Variants in RPA1 observed in about 807,000 individuals in gnomAD.
The protein encoded by RPA1 is replication protein A1.
In RPA1, 49 loss-of-function variants were observed where a neutral mutation model predicts 83.0. That is an observed-to-expected ratio of 0.59 (90% CI 0.47 to 0.75). The LOEUF is 0.75. RPA1 is among the 30% of genes least tolerant of loss of function. RPA1 has a pLI of 0.00. For missense variants in RPA1, 693 were observed against 776.1 expected, an observed-to-expected ratio of 0.89 and a Z score of 1.27; for synonymous variants, 279 against 281.8, an observed-to-expected ratio of 0.99 and a Z score of 0.10.
rs555485478 is a variant in RPA1, at chr17:1,872,504, G to A, written c.432G>A (p.Pro144=). The stretch of plus-strand genomic sequence containing the variant: ...CAGCAGCAAGCAGCAGGCCCCAGCC[G>A]CAGAATGGAAGCTCGGGAATGGGTG... ...ASPAASSRPQ[P]QNGSSGMGST... Residue 144 remains proline (P), a synonymous_variant, in exon 6 of 17, where the codon CCG becomes CCA. Transcript: ENST00000254719. The A allele has an allele frequency of 2.5e-6, 4 of 1,613,944 alleles. No homozygotes were observed. The highest frequency in any genetic ancestry group is 2.2e-5 in the South Asian group (2 of 91,036).
At chr17:1,855,604 G>A (rs768553114) in intron 5 of RPA1, among the ~76,000 whole-genome samples, 7 of 152,078 alleles carry the variant, frequency 4.6e-5, no homozygotes, top group South Asian at 2.1e-4. Context: ...GATTTACTTT[G>A]TTTAGAATTG....
chr17:1,868,338 C>T (rs116709465), intron 5 of RPA1, among the ~76,000 whole-genome samples: 98 of 152,296 alleles, frequency 6.4e-4, no homozygotes, highest in African/African-American at 2.2e-3. Flanking sequence ...TGGGAAAGGA[C>T]GCACACTCTG....
chr17:1,856,462 G>C (rs1912701063), intron 5 of RPA1, among the ~76,000 whole-genome samples: 1 of 152,026 alleles, frequency 6.6e-6, no homozygotes, highest in Admixed American at 6.6e-5. Context: ...ATCTAGGCGT[G>C]GTGGCACGCA....
chr17:1,856,306 A>C (rs1275489271), intron 5 of RPA1, among the ~76,000 whole-genome samples: 1 of 148,462 alleles, frequency 6.7e-6, no homozygotes, highest in Non-Finnish European at 1.5e-5. Flanking sequence ...CCATAAAAAA[A>C]AAAAAAAATG....
chr17:1,897,299 A>T lies in RPA1; in HGVS notation c.*124A>T. The T allele has an allele frequency of 1.4e-6, 1 of 733,858 alleles. No individual in the cohort carries two copies. The highest frequency in any genetic ancestry group is 2.2e-6 in the Non-Finnish European group (1 of 446,244). The allele number at this position is 733,858 out of a possible 1,614,324, so 45.5% of individuals were successfully genotyped here. A position where few individuals can be genotyped will look rare whatever the true frequency, so the allele number is the denominator to read the frequency against. ...AGAGGCTCTTGATGGTGGACTAAGC[A>T]ATTTCCCCCCTCGTGCGCATCTCAG... On this transcript the variant is annotated 3_prime_UTR_variant, in exon 17 of 17. Coordinates refer to ENST00000254719, the MANE Select transcript of RPA1 (RefSeq NM_002945.5).
At chr17:1,866,309 CTT>C (rs71150829) in intron 5 of RPA1, among the ~76,000 whole-genome samples, 1 of 149,992 alleles carries the variant, frequency 6.7e-6, no homozygotes, top group Non-Finnish European at 1.5e-5. Context: ...GCTTAGAGAT[CTT>C]TTTTTTTTCT....
chr17:1,866,540 C>A (rs916959967), intron 5 of RPA1, among the ~76,000 whole-genome samples: 1 of 152,228 alleles, frequency 6.6e-6, no homozygotes, highest in African/African-American at 2.4e-5. Flanking sequence ...TGGTCTCGAA[C>A]TCCTGACTTC....
At chr17:1,866,497 A>G (rs1054750098) in intron 5 of RPA1, among the ~76,000 whole-genome samples, 1 of 152,110 alleles carries the variant, frequency 6.6e-6, no homozygotes, top group Non-Finnish European at 1.5e-5. Flanking sequence ...TTATATTTTT[A>G]GTAGAGATGG....
intron 1 of RPA1, among the ~76,000 whole-genome samples, chr17:1,837,621 G>C (rs979715827): frequency 6.6e-6 from 1 of 152,160 alleles, no homozygotes; most frequent in African/African-American, 2.4e-5. Context: ...GAGTATTCTA[G>C]TGAATGTGTA....
chr17:1,880,504 G>T, intron 11 of RPA1, 39 bp from the exon 12 acceptor site: 1 of 1,601,128 alleles, frequency 6.2e-7, no homozygotes, highest in Non-Finnish European at 8.5e-7. Flanking sequence ...TGTTCTTCCT[G>T]CTAGTGACAC....
chr17:1,889,974 C>T (rs531086707), intron 14 of RPA1, among the ~76,000 whole-genome samples: 11 of 151,322 alleles, frequency 7.3e-5, no homozygotes, highest in Admixed American at 2.0e-4. Context: ...CACTCCAGCC[C>T]GGGCGACAAG....
intron 4 of RPA1, among the ~76,000 whole-genome samples, chr17:1,847,718 T>C (rs1209454894): frequency 6.6e-6 from 1 of 152,140 alleles, no homozygotes; most frequent in Non-Finnish European, 1.5e-5. Context: ...TACTCATAAA[T>C]GTTATATAAG....
intron 1 of RPA1, among the ~76,000 whole-genome samples, chr17:1,838,416 C>G (rs564722583): frequency 2.0e-5 from 3 of 151,946 alleles, no homozygotes; most frequent in East Asian, 3.9e-4. Flanking sequence ...CCAGCCTGAC[C>G]AACATGGAGA....
chr17:1,850,352 A>G (rs962198510), intron 4 of RPA1, among the ~76,000 whole-genome samples: 1 of 149,124 alleles, frequency 6.7e-6, no homozygotes, highest in Non-Finnish European at 1.5e-5. Flanking sequence ...GCTGGCCAAC[A>G]TGGTGAAACA....
chr17:1,845,195 T>TGC (rs1912213423), intron 4 of RPA1, among the ~76,000 whole-genome samples: 2 of 147,854 alleles, frequency 1.4e-5, no homozygotes, highest in Admixed American at 6.8e-5. Flanking sequence ...TGTGTGTGTG[T>TGC]ACAATCTTGA....
At chr17:1,845,112 G>C (rs898948778) in intron 4 of RPA1, among the ~76,000 whole-genome samples, 1 of 151,830 alleles carries the variant, frequency 6.6e-6, no homozygotes, top group Non-Finnish European at 1.5e-5. Context: ...TTAATGAAAA[G>C]AGGTACTTTA....
At chr17:1,853,983 TAGTA>T (rs749646920) in intron 5 of RPA1, among the ~76,000 whole-genome samples, 1 of 152,338 alleles carries the variant, frequency 6.6e-6, no homozygotes, top group African/African-American at 2.4e-5. Context: ...GGCTGGCGTT[TAGTA>T]AGTATTTGTT....
intron 5 of RPA1, among the ~76,000 whole-genome samples, chr17:1,855,846 A>T (rs1049814362): frequency 5.3e-5 from 8 of 151,976 alleles, no homozygotes; most frequent in African/African-American, 1.7e-4. Context: ...AAAAGTCTTA[A>T]ACTGTAAGTT....
intron 15 of RPA1, among the ~76,000 whole-genome samples, chr17:1,892,188 G>A: frequency 6.6e-6 from 1 of 152,100 alleles, no homozygotes; most frequent in Non-Finnish European, 1.5e-5. Flanking sequence ...TGTATTTTTA[G>A]TAGAGACGGG....
Sources: allele counts gnomAD v4.1 joint callset (sites outside exome capture counted in the v4.1 genomes callset), GRCh38; gene constraint gnomAD v4.1.1; transcripts MANE v1.5; gene names NCBI Gene and HGNC (gene_info 2026-07-23, HGNC 2026-07-21).